DIAPH3: variants seen among roughly 807,000 people sequenced by gnomAD.
DIAPH3 encodes the protein diaphanous related formin 3, also known as protein diaphanous homolog 3.
In DIAPH3, 117 loss-of-function variants were observed where a neutral mutation model predicts 144.3. That is an observed-to-expected ratio of 0.81 (90% CI 0.70 to 0.95). The LOEUF (loss-of-function observed/expected upper bound fraction) is 0.95. Among genes scored for constraint, DIAPH3 ranks in the 40% least tolerant of loss-of-function variants. DIAPH3 has a pLI of 0.00. For synonymous variants in DIAPH3, 519 were observed against 488.9 expected (o/e 1.06, Z -0.81); for missense variants, 1,421 against 1,412.7 (o/e 1.01, Z -0.09).
chr13:59,942,315 T>C (rs2048576286), intron 17 of DIAPH3, among the ~76,000 whole-genome samples: 2 of 152,198 alleles, frequency 1.3e-5, no homozygotes. Context: ...AGGTCATTTC[T>C]AAGCTGTAAC....
intron 5 of DIAPH3, 24 bp from the exon 6 acceptor site, chr13:60,016,169 T>G: frequency 3.1e-6 from 5 of 1,607,424 alleles, no homozygotes; most frequent in Non-Finnish European, 4.3e-6. Context: ...AAAAGACAGT[T>G]ACACATTGTC....
At chr13:59,776,083 A>G (rs753445521) in intron 25 of DIAPH3, among the ~76,000 whole-genome samples, 6 of 152,340 alleles carry the variant, frequency 3.9e-5, no homozygotes, top group East Asian at 3.9e-4. Context: ...CATTTAAAAT[A>G]ATGGAAAGCT....
At chr13:59,976,899 T>C (rs1324696441) in intron 14 of DIAPH3, among the ~76,000 whole-genome samples, 1 of 151,826 alleles carries the variant, frequency 6.6e-6, no homozygotes, top group Admixed American at 6.6e-5. Context: ...ACCAAACATG[T>C]TTCCCCCTAC....
At chr13:59,959,513 G>C (rs1445489995) in intron 17 of DIAPH3, among the ~76,000 whole-genome samples, 1 of 152,146 alleles carries the variant, frequency 6.6e-6, no homozygotes, top group Non-Finnish European at 1.5e-5. Context: ...GCCCGTGTGA[G>C]TCTTTAAAAG....
intron 4 of DIAPH3, among the ~76,000 whole-genome samples, chr13:60,084,165 C>T (rs376047560): frequency 6.6e-6 from 1 of 151,942 alleles, no homozygotes; most frequent in Non-Finnish European, 1.5e-5. Flanking sequence ...TACTTTTAGG[C>T]TAAAATATAC....
intron 4 of DIAPH3, among the ~76,000 whole-genome samples, chr13:60,086,390 T>C (rs1248978177): frequency 6.6e-6 from 1 of 152,128 alleles, no homozygotes; most frequent in East Asian, 1.9e-4. Flanking sequence ...GCTAGATTAT[T>C]AGAAAATACT....
chr13:59,992,057 C>T lies in DIAPH3; in HGVS notation c.1244+11G>A, dbSNP rs1566625093. The T allele has an allele frequency of 6.9e-6, 11 of 1,601,812 alleles. No homozygotes were observed. The highest frequency in any genetic ancestry group is 8.5e-6 in the Non-Finnish European group (10 of 1,169,720). On this transcript the variant is annotated intron_variant, in intron 11 of 27. Coordinates refer to ENST00000400324, the MANE Select transcript of DIAPH3 (RefSeq NM_001042517.2). ...TATATGATTTGACTAGACTTCAGAA[C>T]AAAAGGATATTCAAGTTCAGCTCTA...
At chr13:59,685,699 T>C (rs1436943175) in intron 27 of DIAPH3, among the ~76,000 whole-genome samples, 2 of 152,110 alleles carry the variant, frequency 1.3e-5, no homozygotes, top group African/African-American at 2.4e-5. Context: ...TCTCTTGTAA[T>C]ACAAAGAGAT....
intron 27 of DIAPH3, among the ~76,000 whole-genome samples, chr13:59,676,365 C>A (rs774678175): frequency 2.6e-5 from 4 of 152,314 alleles, no homozygotes; most frequent in Non-Finnish European, 5.9e-5. Context: ...ATCTTAGTCA[C>A]TGGCTCTGTT....
chr13:59,866,032 CT>C (rs1372554149), intron 21 of DIAPH3, among the ~76,000 whole-genome samples: 1 of 151,838 alleles, frequency 6.6e-6, no homozygotes, highest in Non-Finnish European at 1.5e-5. Flanking sequence ...TGTTTAGATG[CT>C]GTGGACATTA....
intron 27 of DIAPH3, among the ~76,000 whole-genome samples, chr13:59,709,438 A>T (rs1196278284): frequency 6.6e-6 from 1 of 152,234 alleles, no homozygotes; most frequent in East Asian, 1.9e-4. Flanking sequence ...GGCGAAGGAC[A>T]TGAACAGACA....
chr13:59,668,046 C>A (rs2032124559), intron 27 of DIAPH3, among the ~76,000 whole-genome samples: 1 of 152,196 alleles, frequency 6.6e-6, no homozygotes, highest in African/African-American at 2.4e-5. Context: ...GAAGTATGAT[C>A]ACCTTTTAGC....
At chr13:59,970,107 G>A in intron 16 of DIAPH3, 49 bp from the exon 17 acceptor site, 3 of 1,113,566 alleles carry the variant, frequency 2.7e-6, no homozygotes, top group Non-Finnish European at 4.0e-6. Context: ...TGTTTCACCT[G>A]TCCCAAGTCA....
chr13:59,675,229 C>T (rs924260996), intron 27 of DIAPH3, among the ~76,000 whole-genome samples: 8 of 152,008 alleles, frequency 5.3e-5, no homozygotes, highest in African/African-American at 1.7e-4. Flanking sequence ...CCATGCCTGG[C>T]TAACTTAAAC....
chr13:59,774,828 GAA>G lies in DIAPH3; in HGVS notation c.3164-7_3164-6del. Reference sequence around the variant, plus strand: ...TCACTCCTGTCTCATCACCCTCTGTGAAAAGAGATGCAGGGAATTCCATCAGC... The same window carrying G: ...TCACTCCTGTCTCATCACCCTCTGTGAAGAGATGCAGGGAATTCCATCAGC... On this transcript the variant is annotated splice_region_variant and splice_polypyrimidine_tract_variant and intron_variant, in intron 25 of 27. Transcript: ENST00000400324. 6.2e-7 allele frequency: 1 copy of G among 1,612,148 alleles called. No homozygotes were observed. The highest frequency in any genetic ancestry group is 2.2e-5 in the East Asian group (1 of 44,860).
intron 1 of DIAPH3, among the ~76,000 whole-genome samples, chr13:60,150,787 G>A (rs1443186115): frequency 6.6e-6 from 1 of 152,136 alleles, no homozygotes. Flanking sequence ...TGAACAAGGA[G>A]GCCAAAGGTT....
intron 11 of DIAPH3, among the ~76,000 whole-genome samples, chr13:59,991,712 G>A (rs2051828980): frequency 6.6e-6 from 1 of 151,970 alleles, no homozygotes; most frequent in African/African-American, 2.4e-5. Context: ...CGACCCATGA[G>A]TATGCACCCA....
chr13:59,993,840 A>G (rs74530017), intron 9 of DIAPH3, among the ~76,000 whole-genome samples: 5,549 of 151,810 alleles, frequency 0.037, 134 homozygotes, highest in East Asian at 0.071. Context: ...CAGGACCCAC[A>G]AATGTTTTCT....
At chr13:60,051,763 G>A (rs148438470) in intron 4 of DIAPH3, among the ~76,000 whole-genome samples, 24 of 152,254 alleles carry the variant, frequency 1.6e-4, no homozygotes, top group African/African-American at 5.3e-4. Context: ...AACAGATTCT[G>A]GTACCTTGTC....
Sources: gnomAD v4.1 joint callset for allele counts (sites outside exome capture counted in the v4.1 genomes callset) on GRCh38, gnomAD v4.1.1 for gene constraint, MANE v1.5 for transcripts, NCBI Gene and HGNC (gene_info 2026-07-23, HGNC 2026-07-21) for gene names.